Variants in SYN3 observed in about 807,000 individuals in gnomAD.
SYN3 encodes synapsin III.
A neutral mutation model predicts 65.8 loss-of-function variants in SYN3; 35 were observed. The ratio of observed to expected loss-of-function variants is 0.53; its 90% CI spans 0.41 to 0.70. SYN3 has a LOEUF of 0.70. SYN3 is among the 30% of genes least tolerant of loss of function. The pLI is 0.00. For synonymous variants in SYN3, 270 were observed against 292.9 expected (o/e 0.92, Z 0.80); for missense variants, 680 against 749.0 (o/e 0.91, Z 1.08).
At chr22:32,844,490 C>A (rs186011611) in intron 6 of SYN3, among the ~76,000 whole-genome samples, 3 of 152,200 alleles carry the variant, frequency 2.0e-5, no homozygotes, top group Admixed American at 1.3e-4. Flanking sequence ...GCACTCTTGC[C>A]CAAACAAATA....
chr22:32,713,798 TC>T (rs112952564), intron 6 of SYN3, among the ~76,000 whole-genome samples: 2,769 of 144,524 alleles, frequency 0.019, 25 homozygotes, highest in East Asian at 0.032. Context: ...GCCAGTGCAC[TC>T]CAGCCTAGGT....
intron 6 of SYN3, among the ~76,000 whole-genome samples, chr22:32,749,639 TCAA>T (rs559074812): frequency 1.3e-5 from 2 of 151,878 alleles, no homozygotes; most frequent in Non-Finnish European, 1.5e-5. Context: ...AGACTTCATC[TCAA>T]CAACAACAAC....
intron 6 of SYN3, among the ~76,000 whole-genome samples, chr22:32,716,815 G>A (rs1292728570): frequency 3.9e-5 from 6 of 152,010 alleles, no homozygotes; most frequent in Non-Finnish European, 8.8e-5. Context: ...GAGCCAACAC[G>A]CCCTCTCTGA....
At chr22:32,625,339 C>T (rs2059651058) in intron 6 of SYN3, among the ~76,000 whole-genome samples, 1 of 152,174 alleles carries the variant, frequency 6.6e-6, no homozygotes, top group Non-Finnish European at 1.5e-5. Flanking sequence ...TAGATCCAGC[C>T]ATCCATGTGC....
At chr22:32,734,880 C>T (rs1402563418) in intron 6 of SYN3, among the ~76,000 whole-genome samples, 3 of 152,304 alleles carry the variant, frequency 2.0e-5, no homozygotes, top group African/African-American at 7.2e-5. Context: ...TGTTGCTTCT[C>T]AGGGTGGATA....
chr22:33,039,498 G>A (rs1445071664), intron 1 of SYN3, among the ~76,000 whole-genome samples: 1 of 151,382 alleles, frequency 6.6e-6, no homozygotes, highest in African/African-American at 2.4e-5. Flanking sequence ...GCATTCAAGC[G>A]ATTCTCCTGC....
At chr22:32,833,548 C>A (rs993184785) in intron 6 of SYN3, among the ~76,000 whole-genome samples, 1 of 152,142 alleles carries the variant, frequency 6.6e-6, no homozygotes, top group African/African-American at 2.4e-5. Flanking sequence ...CACTGAGTGA[C>A]CCTGAAGGTC....
chr22:32,695,758 G>A (rs1311836596), intron 6 of SYN3, among the ~76,000 whole-genome samples: 3 of 152,176 alleles, frequency 2.0e-5, no homozygotes, highest in Non-Finnish European at 4.4e-5. Flanking sequence ...CCACAGCCCT[G>A]TCTCCCTTGC....
At chr22:32,998,249 T>A (rs1218691326) in intron 2 of SYN3, among the ~76,000 whole-genome samples, 1 of 152,118 alleles carries the variant, frequency 6.6e-6, no homozygotes, top group East Asian at 1.9e-4. Context: ...GTAATAACTC[T>A]TGGAAAATCT....
intron 6 of SYN3, among the ~76,000 whole-genome samples, chr22:32,839,531 G>A (rs986445960): frequency 6.6e-6 from 1 of 152,018 alleles, no homozygotes; most frequent in Non-Finnish European, 1.5e-5. Flanking sequence ...CAGGTAAGTC[G>A]GCCCTGAATC....
intron 7 of SYN3, among the ~76,000 whole-genome samples, chr22:32,574,501 T>G (rs375400892): frequency 6.6e-6 from 1 of 152,236 alleles, no homozygotes; most frequent in East Asian, 1.9e-4. Context: ...CACCATCGTG[T>G]TCGATGCCAA....
Position 32,656,502 on chromosome 22 carries a change from A to G in SYN3, c.712-59766T>C, listed in dbSNP as rs75138184. Among the ~76,000 whole-genome samples the G allele has an allele frequency of 2.7e-3, 405 of 152,242 alleles. 10 individuals are homozygous for G. In the East Asian group the frequency reaches 0.048, roughly 18 times the overall value. On this transcript the variant is annotated intron_variant, in intron 6 of 13. Coordinates refer to ENST00000358763, the MANE Select transcript of SYN3 (RefSeq NM_003490.4). ...TTTGCATCTCCTTGGATGGAAACTT[A>G]CCCAGCATGTGCTTGTCTTGGGGAG...
chr22:32,930,585 C>T (rs75677097), intron 4 of SYN3, among the ~76,000 whole-genome samples: 8,882 of 152,142 alleles, frequency 0.058, 837 homozygotes, highest in African/African-American at 0.2. Context: ...TTCCCTACAC[C>T]CAGCCTGAGA....
At chr22:32,923,330 G>C (rs1334464988) in intron 4 of SYN3, among the ~76,000 whole-genome samples, 1 of 152,166 alleles carries the variant, frequency 6.6e-6, no homozygotes, top group East Asian at 1.9e-4. Context: ...ATTGGATGCT[G>C]TCTGACCACA....
chr22:32,765,050 T>C (rs1032161074), intron 6 of SYN3, among the ~76,000 whole-genome samples: 3 of 146,566 alleles, frequency 2.0e-5, no homozygotes, highest in Non-Finnish European at 4.5e-5. Flanking sequence ...AGTTTCCGGC[T>C]TCCTGAGGGT....
chr22:32,929,893 C>T (rs1051643548), intron 4 of SYN3, among the ~76,000 whole-genome samples: 5 of 152,108 alleles, frequency 3.3e-5, no homozygotes, highest in African/African-American at 1.2e-4. Flanking sequence ...ATTTACCTGT[C>T]TGGGTTTTCA....
At chr22:32,604,991 G>A (rs1470631228) in intron 6 of SYN3, among the ~76,000 whole-genome samples, 1 of 143,652 alleles carries the variant, frequency 7.0e-6, no homozygotes, top group Non-Finnish European at 1.5e-5. Context: ...GGGCGATAGA[G>A]CGAGACTCCA....
intron 2 of SYN3, among the ~76,000 whole-genome samples, chr22:32,994,825 G>T (rs2052832778): frequency 6.6e-6 from 1 of 152,150 alleles, no homozygotes; most frequent in African/African-American, 2.4e-5. Context: ...CTTCCACAAC[G>T]ATTATACTCA....
intron 6 of SYN3, among the ~76,000 whole-genome samples, chr22:32,654,066 A>G (rs532341002): frequency 7.0e-4 from 106 of 152,216 alleles, no homozygotes; most frequent in Non-Finnish European, 1.3e-3. Context: ...CCCAGTACCC[A>G]CACTGGGGGC....
Sources: allele counts gnomAD v4.1 joint callset (sites outside exome capture counted in the v4.1 genomes callset), GRCh38; gene constraint gnomAD v4.1.1; transcripts MANE v1.5; gene names NCBI Gene and HGNC (gene_info 2026-07-23, HGNC 2026-07-21).